The following KALRN variants were observed in gnomAD, a reference collection of about 807,000 sequenced individuals.
The protein encoded by KALRN is kalirin.
KALRN carries 70 observed loss-of-function variants against 353.7 expected under a neutral mutation model. The observed-to-expected ratio is 0.20, with a 90% CI of 0.16 to 0.24. KALRN has a LOEUF of 0.24. Ranked by LOEUF, KALRN falls within the 10% of genes least tolerant of loss-of-function variation. The pLI, the probability that KALRN is intolerant of heterozygous loss-of-function variation, is 1.00. For missense variants in KALRN, 2,791 were observed against 3,756.7 expected, an observed-to-expected ratio of 0.74 and a Z score of 6.72; for synonymous variants, 1,391 against 1,434.8, an observed-to-expected ratio of 0.97 and a Z score of 0.69.
intron 37 of KALRN, among the ~76,000 whole-genome samples, chr3:124,644,642 C>G (rs1003857989): frequency 1.3e-5 from 2 of 152,182 alleles, no homozygotes; most frequent in Admixed American, 6.5e-5. Context: ...CATGTCCCCG[C>G]AAAGGACATG....
At chr3:124,116,184 ATCT>A (rs2063443193) in intron 1 of KALRN, among the ~76,000 whole-genome samples, 2 of 152,158 alleles carry the variant, frequency 1.3e-5, no homozygotes, top group Non-Finnish European at 1.5e-5. Context: ...TAGAGACTAC[ATCT>A]TCTGTTCCAG....
chr3:124,719,352 T>A lies in KALRN; in HGVS notation c.8843T>A (p.Ile2948Asn). The A allele has an allele frequency of 6.2e-7, 1 of 1,614,020 alleles. No individual in the cohort carries two copies. Among genetic ancestry groups the A allele is most frequent in the Non-Finnish European group, 8.5e-7 (1 of 1,180,004 alleles). Residue 2948 changes from isoleucine to asparagine, a missense_variant, in exon 60 of 60, where the codon ATC (isoleucine) becomes AAC (asparagine). By Grantham distance (149) the Ile-to-Asn change is moderately radical. Around this residue, in one of 11 missense-constraint regions of KALRN, gnomAD observed 188 missense variants for 402.9 expected, o/e 0.47. Transcript: ENST00000682506. The surrounding 1 kb of genome is among the most constrained non-coding windows in gnomAD (Gnocchi z 5.3). ...LQPHNGSYSK[I>N]PLDTSRLACF... ...CCCCATAATGGCAGCTACTCTAAGA[T>A]CCCCCTGGACACCTCCCGCCTAGCA...
intron 1 of KALRN, among the ~76,000 whole-genome samples, chr3:124,067,792 A>G (rs1392473266): frequency 6.6e-6 from 1 of 152,222 alleles, no homozygotes; most frequent in Non-Finnish European, 1.5e-5. Context: ...TATGCTGGCC[A>G]GGGGAGCCAC....
intron 1 of KALRN, among the ~76,000 whole-genome samples, chr3:124,090,069 A>C (rs2061026513): frequency 1.3e-5 from 2 of 152,140 alleles, no homozygotes; most frequent in Non-Finnish European, 2.9e-5. Flanking sequence ...GAGCTTTATA[A>C]GGTCCTGAAG....
In KALRN at chr3:124,334,445, C is replaced by T. The variant is rs200426937; in HGVS notation, c.1597C>T (p.Arg533Trp). 23 of 1,614,044 alleles carry T rather than the reference C, an allele frequency of 1.4e-5. No homozygotes were observed. Among genetic ancestry groups the T allele is most frequent in the Admixed American group, 8.3e-5 (5 of 60,028 alleles). ...GAGCATCTGGCAGCACCGCAAGGTGCGGCTCCACCAGCGGCTGCAGCTCTG... is the reference window on the plus strand; with the variant it reads ...GAGCATCTGGCAGCACCGCAAGGTGTGGCTCCACCAGCGGCTGCAGCTCTG... ...LESIWQHRKVRLHQRLQLCVF... is the reference protein window; with the variant it reads ...LESIWQHRKVWLHQRLQLCVF... The change falls in exon 9 of 60, where the codon CGG (arginine) becomes TGG (tryptophan). Residue 533 changes from arginine (R) to tryptophan (W), a missense_variant. By Grantham distance (101) the Arg-to-Trp change is moderately radical. Transcript: ENST00000682506. This position sits in a 1 kb window ranked among gnomAD's most constrained non-coding sequence, Gnocchi z 4.2.
chr3:124,119,004 G>T lies in KALRN; in HGVS notation c.73+85191G>T, dbSNP rs73860305. Among the ~76,000 whole-genome samples, 1,455 of 152,330 alleles carry T rather than the reference G, an allele frequency of 9.6e-3. 23 individuals are homozygous for T. Among genetic ancestry groups the T allele is most frequent in the African/African-American group, 0.033 (1,369 of 41,578 alleles). ...ATTCCGGTCTCCTTTTCATCATACT[G>T]TAATGAGAGCCCAGCTTTCTTCCTT... On this transcript the variant is annotated intron_variant, in intron 1 of 59. Coordinates refer to ENST00000682506, the MANE Select transcript of KALRN (RefSeq NM_001388419.1).
At chr3:124,125,284 C>G (rs1309020406) in intron 1 of KALRN, among the ~76,000 whole-genome samples, 1 of 152,202 alleles carries the variant, frequency 6.6e-6, no homozygotes, top group Non-Finnish European at 1.5e-5. Context: ...CCCATGGCTT[C>G]CTAGCAACAA....
intron 1 of KALRN, among the ~76,000 whole-genome samples, chr3:124,209,059 G>A (rs893882337): frequency 1.3e-5 from 2 of 152,164 alleles, no homozygotes; most frequent in Middle Eastern, 3.4e-3. Flanking sequence ...TCCTTCAACA[G>A]TCATGGCTAT....
chr3:124,623,432 G>C (rs1021199039), intron 34 of KALRN, among the ~76,000 whole-genome samples: 8 of 82,480 alleles, frequency 9.7e-5, no homozygotes, highest in African/African-American at 4.6e-4. Context: ...ACACACAAAA[G>C]GGAGTTTATT....
chr3:124,410,026 A>G (rs75190366), intron 13 of KALRN, among the ~76,000 whole-genome samples: 1,885 of 152,188 alleles, frequency 0.012, 32 homozygotes, highest in East Asian at 0.077. Flanking sequence ...CCTCAATTCA[A>G]TGGTGTCAGA....
chr3:124,404,497 G>A (rs1274339861), intron 13 of KALRN, among the ~76,000 whole-genome samples: 7 of 151,736 alleles, frequency 4.6e-5, no homozygotes, highest in Non-Finnish European at 1.0e-4. Flanking sequence ...CCAGGAGATA[G>A]GTACCTTTTT....
At chr3:124,666,198 G>A (rs373826466) in intron 45 of KALRN, among the ~76,000 whole-genome samples, 1 of 152,186 alleles carries the variant, frequency 6.6e-6, no homozygotes, top group Non-Finnish European at 1.5e-5. Context: ...GCATTTGCCT[G>A]GAGCTGTTTC....
intron 25 of KALRN, among the ~76,000 whole-genome samples, chr3:124,465,231 C>T (rs2060218065): frequency 6.6e-6 from 1 of 151,904 alleles, no homozygotes; most frequent in Admixed American, 6.6e-5. Flanking sequence ...TCTAAAATCT[C>T]TAGTAAATAA....
chr3:124,191,975 CAT>C (rs2074967352), intron 1 of KALRN, among the ~76,000 whole-genome samples: 1 of 152,198 alleles, frequency 6.6e-6, no homozygotes, highest in Non-Finnish European at 1.5e-5. Context: ...CAGATCAAAC[CAT>C]ATCTCCAGGT....
chr3:124,067,517 A>G (rs2042473454), intron 1 of KALRN, among the ~76,000 whole-genome samples: 1 of 152,102 alleles, frequency 6.6e-6, no homozygotes, highest in African/African-American at 2.4e-5. Context: ...ACCACCCCCA[A>G]CAAACAAAAA....
At chr3:124,064,887 C>T (rs559619342) in intron 1 of KALRN, among the ~76,000 whole-genome samples, 1 of 152,294 alleles carries the variant, frequency 6.6e-6, no homozygotes, top group African/African-American at 2.4e-5. Context: ...AATTTCCTCC[C>T]CTCTTGGTGA....
chr3:124,499,770 A>T (rs2108618928), intron 33 of KALRN, among the ~76,000 whole-genome samples: 1 of 152,340 alleles, frequency 6.6e-6, no homozygotes, highest in Middle Eastern at 3.4e-3. Context: ...ATTAATTTTA[A>T]TGCTCAAATT....
intron 26 of KALRN, among the ~76,000 whole-genome samples, chr3:124,475,992 T>C (rs2108056400): frequency 1.3e-5 from 2 of 152,180 alleles, no homozygotes; most frequent in Middle Eastern, 6.8e-3. Flanking sequence ...TTTTTGCATC[T>C]TCTTTCATGA....
chr3:124,252,476 A>G (rs1325036391), intron 3 of KALRN, among the ~76,000 whole-genome samples: 2 of 152,210 alleles, frequency 1.3e-5, no homozygotes, highest in South Asian at 2.1e-4. Context: ...ATGCACAGAT[A>G]CTGAGTCAAA....
Sources: gnomAD v4.1 joint callset for allele counts (sites outside exome capture counted in the v4.1 genomes callset) on GRCh38, gnomAD v4.1.1 for gene constraint, gnomAD v4.1.1 regional missense constraint, Gnocchi (gnomAD v3.1) non-coding constraint, MANE v1.5 for transcripts, NCBI Gene and HGNC (gene_info 2026-07-23, HGNC 2026-07-21) for gene names.